IGSF3: variants seen among roughly 807,000 people sequenced by gnomAD.
IGSF3 encodes the protein immunoglobulin superfamily member 3.
In IGSF3, 23 loss-of-function variants were observed where a neutral mutation model predicts 114.4. The ratio of observed to expected loss-of-function variants is 0.20; its 90% CI spans 0.14 to 0.28. The LOEUF (loss-of-function observed/expected upper bound fraction) is 0.28, where lower values mean the gene tolerates loss of function less well. Among genes scored for constraint, IGSF3 ranks in the 10% least tolerant of loss-of-function variants. IGSF3 has a pLI of 1.00. For missense variants in IGSF3, 1,172 were observed against 1,591.5 expected (o/e 0.74, Z 4.48); for synonymous variants, 571 against 645.2 (o/e 0.88, Z 1.74).
chr1:116,588,221 C>G lies in IGSF3; in HGVS notation c.2440+473G>C, dbSNP rs1327121863. On this transcript the variant is annotated intron_variant, in intron 8 of 10. Transcript: ENST00000369486. The surrounding 1 kb of genome is among the most constrained non-coding windows in gnomAD (Gnocchi z 4.9). Reference sequence around the variant, plus strand: ...AGGAAGGGCCAGAGGAGGAATGATTCAGTTTGGAGATAGGAAAGGCTTGTC... The same window carrying G: ...AGGAAGGGCCAGAGGAGGAATGATTGAGTTTGGAGATAGGAAAGGCTTGTC... Among the ~76,000 whole-genome samples the G allele has an allele frequency of 6.6e-6, 1 of 152,062 alleles. No individual in the cohort carries two copies. The highest frequency in any genetic ancestry group is 6.5e-5 in the Admixed American group (1 of 15,274).
Position 116,607,948 on chromosome 1 carries a change from G to T in IGSF3, c.1216C>A (p.Pro406Thr). Residue 406 changes from proline (P) to threonine (T), a missense_variant, in exon 5 of 11, where the codon CCC becomes ACC. Transcript: ENST00000369486. The surrounding 1 kb of genome is among the most constrained non-coding windows in gnomAD (Gnocchi z 6.1). ...AGCACATCTCTCTACTTACTGAGGG[G>T]GAGGACTATGATGGGGATGTTCTTG... ...RPKNIPIIVL[P>T]LKSSISVEVA... 3.1e-6 allele frequency: 5 copies of T among 1,613,654 alleles called. No individual in the cohort carries two copies. Among genetic ancestry groups the T allele is most frequent in the Non-Finnish European group, 2.5e-6 (3 of 1,179,624 alleles).
chr1:116,667,325 C>G (rs1004128541), intron 1 of IGSF3, among the ~76,000 whole-genome samples: 1 of 152,208 alleles, frequency 6.6e-6, no homozygotes, highest in African/African-American at 2.4e-5. Context: ...GAGCTCTGCG[C>G]GCGACGCGTC....
Position 116,656,579 on chromosome 1 carries a change from T to C in IGSF3, c.43+9705A>G, listed in dbSNP as rs182597425. Among the ~76,000 whole-genome samples, 7 of 152,154 alleles carry C rather than the reference T, an allele frequency of 4.6e-5. No homozygotes were observed. In the East Asian group the frequency reaches 1.2e-3, roughly 25 times the overall value. On this transcript the variant is annotated intron_variant, in intron 2 of 10. Transcript: ENST00000369486. ...TGCTGGGATTACAGGCGTGACTTTC[T>C]ACATTCTTGTAACAGAATTATAGTC...
At chr1:116,609,741 TC>T (rs1660940636) in intron 4 of IGSF3, among the ~76,000 whole-genome samples, 1 of 152,054 alleles carries the variant, frequency 6.6e-6, no homozygotes, top group Admixed American at 6.5e-5. Flanking sequence ...TTTCCCACTA[TC>T]TTCAAGATCT....
At position 116,592,450 on chromosome 1, in the gene IGSF3, T is replaced by C. The variant is rs938346311; in HGVS notation, c.2030-3346A>G. ...CCTGCTTTGAGGGAGTGGCCCTTTC[T>C]TTCTGCAACTGGAGAGTTTCCTTCC... On this transcript the variant is annotated intron_variant, in intron 7 of 10. Coordinates refer to ENST00000369486, the MANE Select transcript of IGSF3 (RefSeq NM_001007237.3). This position sits in a 1 kb window ranked among gnomAD's most constrained non-coding sequence, Gnocchi z 4.5. 2.0e-5 allele frequency among the ~76,000 whole-genome samples: 3 copies of C among 152,244 alleles called. No individual in the cohort carries two copies. Among genetic ancestry groups the C allele is most frequent in the Admixed American group, 6.5e-5 (1 of 15,292 alleles).
Sources: allele counts gnomAD v4.1 joint callset (sites outside exome capture counted in the v4.1 genomes callset), GRCh38; gene constraint gnomAD v4.1.1; non-coding constraint Gnocchi (gnomAD v3.1); transcripts MANE v1.5; gene names NCBI Gene and HGNC (gene_info 2026-07-23, HGNC 2026-07-21).